Variants in ERICH1 observed in about 807,000 individuals in gnomAD.
ERICH1 encodes glutamate-rich protein 1.
Under a neutral mutation model 39.6 loss-of-function variants are expected in ERICH1, and 56 were observed. The observed-to-expected ratio is 1.41, with a 90% confidence interval of 1.14 to 1.77. ERICH1 has a LOEUF of 1.77. Ranked by LOEUF, ERICH1 falls within the 40% of genes most tolerant of loss-of-function variation. ERICH1 has a pLI of 0.00. For synonymous variants in ERICH1, 313 were observed against 223.6 expected, an observed-to-expected ratio of 1.40 and a Z score of -3.57; for missense variants, 826 against 575.4, an observed-to-expected ratio of 1.44 and a Z score of -4.45.
At chr8:678,083 AAGTTTG>A (rs1412087404) in intron 3 of ERICH1, among the ~76,000 whole-genome samples, 1 of 148,056 alleles carries the variant, frequency 6.8e-6, no homozygotes, top group Non-Finnish European at 1.5e-5. Flanking sequence ...ATAAAATGTT[AAGTTTG>A]TCATATTTTT....
intron 3 of ERICH1, among the ~76,000 whole-genome samples, chr8:677,958 T>A (rs1490831189): frequency 6.6e-6 from 1 of 152,118 alleles, no homozygotes; most frequent in East Asian, 1.9e-4. Context: ...CAGCTTCCCC[T>A]CCTAAGACTA....
At chr8:698,829 G>T (rs1057070471) in intron 2 of ERICH1, among the ~76,000 whole-genome samples, 2 of 151,900 alleles carry the variant, frequency 1.3e-5, no homozygotes, top group African/African-American at 2.4e-5. Context: ...GCAAAACCAG[G>T]GCTCACGGTG....
intron 5 of ERICH1, among the ~76,000 whole-genome samples, chr8:665,763 A>G (rs1802123087): frequency 6.6e-6 from 1 of 152,284 alleles, no homozygotes; most frequent in East Asian, 1.9e-4. Context: ...TGCAGCCCCC[A>G]TGACTGAGGA....
chr8:650,643 A>G (rs1703912), intron 3 of ERICH1, among the ~76,000 whole-genome samples: 138,866 of 152,248 alleles, frequency 0.91, 63,422 homozygotes, highest in South Asian at 0.95. Flanking sequence ...GCACCGTGCC[A>G]TAGGGCAGGA....
chr8:679,682 C>G (rs1019001676), intron 3 of ERICH1, among the ~76,000 whole-genome samples: 1 of 152,230 alleles, frequency 6.6e-6, no homozygotes, highest in African/African-American at 2.4e-5. Context: ...CCTACAAGAA[C>G]CCACAGGCAA....
At chr8:682,296 C>T (rs546466632) in intron 3 of ERICH1, among the ~76,000 whole-genome samples, 95 of 152,134 alleles carry the variant, frequency 6.2e-4, no homozygotes, top group Non-Finnish European at 1.2e-3. Flanking sequence ...GAACACAAGA[C>T]CCTAAGGAAT....
intron 2 of ERICH1, among the ~76,000 whole-genome samples, chr8:704,141 T>C (rs1017121977): frequency 6.6e-6 from 1 of 152,216 alleles, no homozygotes; most frequent in Admixed American, 6.5e-5. Flanking sequence ...AACTTTTAAG[T>C]ACAAGAATTA....
At chr8:617,303 A>G (rs1563157213) in intron 3 of ERICH1, among the ~76,000 whole-genome samples, 1 of 152,188 alleles carries the variant, frequency 6.6e-6, no homozygotes, top group Non-Finnish European at 1.5e-5. Context: ...GGCAGCTCAG[A>G]GGATGCCTCC....
intron 3 of ERICH1, among the ~76,000 whole-genome samples, chr8:651,904 G>GA (rs1231125421): frequency 6.6e-6 from 1 of 152,166 alleles, no homozygotes; most frequent in Non-Finnish European, 1.5e-5. Flanking sequence ...CTCTTGATGA[G>GA]AAAAAAGCCT....
Position 673,898 on chromosome 8 carries a change from T to G in ERICH1, c.454A>C (p.Thr152Pro). The G allele has an allele frequency of 6.2e-7, 1 of 1,613,602 alleles. No individual in the cohort carries two copies. Among genetic ancestry groups the G allele is most frequent in the Non-Finnish European group, 8.5e-7 (1 of 1,180,010 alleles). ...LLQEKSQRQH[T>P]DGTTISKNKK... Reference sequence around the variant, plus strand: ...TTTTTGCTTATTGTGGTGCCATCTGTGTGCTGTCGCTGAGATTTCTCCTGT... The same window carrying G: ...TTTTTGCTTATTGTGGTGCCATCTGGGTGCTGTCGCTGAGATTTCTCCTGT... Residue 152 changes from threonine (T) to proline (P), a missense_variant, in exon 4 of 6, where the codon ACA (threonine) becomes CCA (proline). By Grantham distance (38) the Thr-to-Pro change is conservative. Coordinates refer to ENST00000262109, the MANE Select transcript of ERICH1 (RefSeq NM_207332.3).
At chr8:687,032 CAGAG>C (rs745763151) in intron 3 of ERICH1, among the ~76,000 whole-genome samples, 1 of 152,216 alleles carries the variant, frequency 6.6e-6, no homozygotes, top group Admixed American at 6.5e-5. Context: ...AGGCAAAAGG[CAGAG>C]AGAGCCACGA....
intron 1 of ERICH1, among the ~76,000 whole-genome samples, chr8:728,235 C>A (rs898013553): frequency 6.6e-6 from 1 of 152,224 alleles, no homozygotes; most frequent in Non-Finnish European, 1.5e-5. Context: ...AGCAAGACTC[C>A]GCCCAGGCAG....
At chr8:641,552 T>C (rs1798975363) in intron 3 of ERICH1, among the ~76,000 whole-genome samples, 1 of 152,256 alleles carries the variant, frequency 6.6e-6, no homozygotes, top group Admixed American at 6.5e-5. Flanking sequence ...TGTCTCTCAT[T>C]CCACATCGAA....
intron 3 of ERICH1, among the ~76,000 whole-genome samples, chr8:652,901 G>A (rs556216068): frequency 2.0e-4 from 30 of 152,208 alleles, no homozygotes; most frequent in Non-Finnish European, 4.3e-4. Context: ...ACGAGGTGCT[G>A]CTTCATAACC....
chr8:710,718 T>C (rs1814538573), intron 2 of ERICH1, among the ~76,000 whole-genome samples: 2 of 152,244 alleles, frequency 1.3e-5, no homozygotes, highest in East Asian at 1.9e-4. Context: ...CATTTCTTTT[T>C]AGCCCTGAAT....
At chr8:617,115 G>C in intron 3 of ERICH1, among the ~76,000 whole-genome samples, 1 of 152,154 alleles carries the variant, frequency 6.6e-6, no homozygotes, top group East Asian at 1.9e-4. Context: ...TATTATTCCA[G>C]TTTAGCTGGC....
At chr8:686,940 C>T (rs1040375534) in intron 3 of ERICH1, among the ~76,000 whole-genome samples, 3 of 94,824 alleles carry the variant, frequency 3.2e-5, no homozygotes, top group Admixed American at 2.2e-4. Flanking sequence ...GCGAGGAATG[C>T]GGAGCGGGGG....
intron 2 of ERICH1, among the ~76,000 whole-genome samples, chr8:694,708 C>T (rs1185652581): frequency 1.3e-5 from 2 of 152,198 alleles, no homozygotes; most frequent in African/African-American, 2.4e-5. Flanking sequence ...ACCCATAATA[C>T]CTTCTGGTTC....
downstream of ERICH1, among the ~76,000 whole-genome samples, chr8:661,958 C>T (rs567541970): frequency 3.9e-4 from 58 of 150,250 alleles, no homozygotes; most frequent in African/African-American, 1.4e-3. Context: ...GTGGAACCTA[C>T]AGGGATTCTG....
Sources: allele counts gnomAD v4.1 joint callset (sites outside exome capture counted in the v4.1 genomes callset), GRCh38; gene constraint gnomAD v4.1.1; transcripts MANE v1.5; gene names NCBI Gene and HGNC (gene_info 2026-07-23, HGNC 2026-07-21).